DHRS4: variants seen among roughly 807,000 people sequenced by gnomAD.
The protein encoded by DHRS4 is dehydrogenase/reductase 4.
In DHRS4, 20 loss-of-function variants were observed where a neutral mutation model predicts 28.4. That is an observed-to-expected ratio of 0.71 (90% CI 0.50 to 1.02). The LOEUF is 1.02. DHRS4 is among the 50% of genes least tolerant of loss of function. The pLI is 0.00. For synonymous variants in DHRS4, 144 were observed against 146.4 expected (o/e 0.98, Z 0.12); for missense variants, 378 against 367.2 (o/e 1.03, Z -0.24).
intron 2 of DHRS4, among the ~76,000 whole-genome samples, chr14:23,958,826 C>T (rs1456318610): frequency 6.6e-6 from 1 of 152,182 alleles, no homozygotes; most frequent in African/African-American, 2.4e-5. Flanking sequence ...GCCCTGAAAA[C>T]ATCACTTCAC....
Position 23,969,263 on chromosome 14 carries a change from C to T in DHRS4, c.*392C>T, listed in dbSNP as rs2033770354. 4.6e-6 allele frequency: 1 copy of T among 217,330 alleles called. No individual in the cohort carries two copies. The highest frequency in any genetic ancestry group is 9.1e-6 in the Non-Finnish European group (1 of 109,478). The allele number at this position is 217,330 out of a possible 1,614,324, so 13.5% of individuals were successfully genotyped here. The stretch of plus-strand genomic sequence containing the variant: ...GGTGCAAATAAAATGCAGATGATTG[C>T]GCGGCTTTGAATCCAATTGACCTGT... On this transcript the variant is annotated 3_prime_UTR_variant, in exon 8 of 8. Coordinates refer to ENST00000313250, the MANE Select transcript of DHRS4 (RefSeq NM_021004.4).
At chr14:23,960,034 G>GA in intron 3 of DHRS4, 31 bp downstream of exon 3, 1 of 1,591,088 alleles carries the variant, frequency 6.3e-7, no homozygotes, top group African/African-American at 1.4e-5. Flanking sequence ...GGGGGCCGGG[G>GA]GGGGCGCCTT....
At position 23,955,048 on chromosome 14, in the gene DHRS4, A is replaced by G. The variant is rs1334229942; in HGVS notation, c.142A>G (p.Ile48Val). 4 of 1,614,188 alleles carry G rather than the reference A, an allele frequency of 2.5e-6. No homozygotes were observed. The Admixed American group carries it at 5.0e-5, about 20-fold the overall frequency. The change falls in exon 2 of 8, where the codon ATC becomes GTC. Residue 48 changes from isoleucine to valine, a missense_variant. Coordinates refer to ENST00000313250, the MANE Select transcript of DHRS4 (RefSeq NM_021004.4). ...TTCTGCTCACAGGATCGGCTTCGCC[A>G]TCGCCCGGCGTTTGGCCCAGGACGG... ...TASTDGIGFAIARRLAQDGAH... is the reference protein window; with the variant it reads ...TASTDGIGFAVARRLAQDGAH...
intron 2 of DHRS4, among the ~76,000 whole-genome samples, chr14:23,957,134 T>C (rs572943393): frequency 0.058 from 8,741 of 151,980 alleles, 299 homozygotes; most frequent in African/African-American, 0.097. Context: ...GCAGTGGCGG[T>C]GGGACTGGAA....
rs1566464098 is a variant in DHRS4 at position 23,953,770 on chromosome 14, A to G, written c.-19A>G. On this transcript the variant is annotated 5_prime_UTR_variant, in exon 1 of 8. Coordinates refer to ENST00000313250, the MANE Select transcript of DHRS4 (RefSeq NM_021004.4). ...ACCGCCCCTGGGAAGAGTGGAACCCATACTTGCTGGTCTGATCCATGCACA... is the reference window on the plus strand; with the variant it reads ...ACCGCCCCTGGGAAGAGTGGAACCCGTACTTGCTGGTCTGATCCATGCACA... 3.1e-6 allele frequency: 5 copies of G among 1,613,684 alleles called. No homozygotes were observed. The highest frequency in any genetic ancestry group is 1.7e-4 in the Middle Eastern group (1 of 6,054).
chr14:23,960,095 G>A, intron 3 of DHRS4, 92 bp downstream of exon 3: 1 of 1,259,108 alleles, frequency 7.9e-7, no homozygotes, highest in Non-Finnish European at 1.2e-6. Context: ...ATTTCTCAAG[G>A]GCAGTGTAAA....
At chr14:23,955,316 C>G in intron 2 of DHRS4, 104 bp downstream of exon 2, 3 of 1,455,248 alleles carry the variant, frequency 2.1e-6, no homozygotes, top group Non-Finnish European at 2.7e-6. Context: ...TACTGTGTGC[C>G]TTTCTATTAT....
intron 1 of DHRS4, 157 bp downstream of exon 1, chr14:23,954,073 C>A: frequency 8.2e-7 from 1 of 1,217,804 alleles, no homozygotes; most frequent in Non-Finnish European, 1.1e-6. Context: ...TGAAGCCACT[C>A]CGAATCCCCT....
At position 23,959,921 on chromosome 14, in the gene DHRS4, G is replaced by A. The variant is rs536739961; in HGVS notation, c.326G>A (p.Gly109Asp). Residue 109 changes from glycine to aspartate, a missense_variant, in exon 3 of 8, where the codon GGT becomes GAT. Transcript: ENST00000313250. ...CTCTAGGCTGTGAAGCTTCATGGAG[G>A]TATCGATATCCTAGTCTCCAATGCT... ...LVATAVKLHG[G>D]IDILVSNAAV... The A allele has an allele frequency of 6.2e-7, 1 of 1,612,086 alleles. No homozygotes were observed. The highest frequency in any genetic ancestry group is 2.2e-5 in the East Asian group (1 of 44,808).
chr14:23,954,127 C>A (rs1488997531), intron 1 of DHRS4: 2 of 708,550 alleles, frequency 2.8e-6, no homozygotes, highest in African/African-American at 3.7e-5. Flanking sequence ...CCTGCTACCT[C>A]TGGCACAACT....
At chr14:23,954,020 G>A (rs569140499) in intron 1 of DHRS4, 104 bp downstream of exon 1, 176 of 1,487,378 alleles carry the variant, frequency 1.2e-4, no homozygotes, top group Non-Finnish European at 1.4e-4. Context: ...CTTACACGCT[G>A]CCAAAGTCTG....
intron 3 of DHRS4, among the ~76,000 whole-genome samples, chr14:23,961,594 C>G (rs1263554737): frequency 3.2e-4 from 39 of 122,146 alleles, no homozygotes; most frequent in African/African-American, 1.4e-3. Flanking sequence ...TCTCAGCTCA[C>G]TGCAACCTCA....
rs2138419367 is a variant in DHRS4 at position 23,953,893 on chromosome 14, C to A, written c.105C>A (p.Ala35=). 32 of 1,604,556 alleles carry A rather than the reference C, an allele frequency of 2.0e-5. No homozygotes were observed. The highest frequency in any genetic ancestry group is 2.6e-5 in the Non-Finnish European group (31 of 1,175,774). ...TRRDPLANKV[A]LVTASTDGIG... ...GGGACCCGCTCGCAAATAAGGTGGCCCTGGTAACGGCCTCCACCGACGGGT... is the reference window on the plus strand; with the variant it reads ...GGGACCCGCTCGCAAATAAGGTGGCACTGGTAACGGCCTCCACCGACGGGT... The change falls in exon 1 of 8, where the codon GCC becomes GCA. Residue 35 remains alanine (A), a synonymous_variant. Coordinates refer to ENST00000313250, the MANE Select transcript of DHRS4 (RefSeq NM_021004.4).
intron 3 of DHRS4, among the ~76,000 whole-genome samples, chr14:23,960,673 C>G (rs1387922420): frequency 6.6e-6 from 1 of 151,800 alleles, no homozygotes; most frequent in East Asian, 1.9e-4. Flanking sequence ...AAATATTTGT[C>G]TTTGTTTATT....
chr14:23,959,812 C>A (rs1381022689), intron 2 of DHRS4, 90 bp from the exon 3 acceptor site: 19 of 1,470,274 alleles, frequency 1.3e-5, no homozygotes, highest in Non-Finnish European at 1.6e-5. Context: ...AGCCACAGCT[C>A]CTTGCCCAGA....
At chr14:23,968,190 T>A (rs1385895275) in intron 7 of DHRS4, 2 of 143,472 alleles carry the variant, frequency 1.4e-5, no homozygotes, top group Admixed American at 1.4e-4. Flanking sequence ...CTTCTAGGTT[T>A]GAGTTACTCA....
rs2033065922 is a variant in DHRS4, at chr14:23,955,129, A to T, written c.223A>T (p.Thr75Ser). ...GCAGAATGTGGACCAGGCGGTGGCC[A>T]CGCTGCAGGGGGAGGGGCTGAGCGT... The part of the protein sequence containing the change: ...KQQNVDQAVA[T>S]LQGEGLSVTG... Residue 75 changes from threonine (T) to serine (S), a missense_variant, in exon 2 of 8, where the codon ACG becomes TCG. Physicochemically the swap from Thr to Ser is moderately conservative, Grantham distance 58 (BLOSUM62 1). Transcript: ENST00000313250. 2 of 1,613,912 alleles carry T rather than the reference A, an allele frequency of 1.2e-6. No individual in the cohort carries two copies. Among genetic ancestry groups the T allele is most frequent in the Non-Finnish European group, 1.7e-6 (2 of 1,179,924 alleles).
chr14:23,963,170 GA>G (rs2138461266), intron 3 of DHRS4, among the ~76,000 whole-genome samples: 2 of 107,788 alleles, frequency 1.9e-5, no homozygotes, highest in South Asian at 5.9e-4. Context: ...AGAATTTTCA[GA>G]ATGGTAAATG....
chr14:23,967,202 T>C lies in DHRS4; in HGVS notation c.667-9T>C, dbSNP rs748940756. 6 of 1,609,126 alleles carry C rather than the reference T, an allele frequency of 3.7e-6. No individual in the cohort carries two copies. Among genetic ancestry groups the C allele is most frequent in the African/African-American group, 1.3e-5 (1 of 74,338 alleles). On this transcript the variant is annotated splice_polypyrimidine_tract_variant and intron_variant, in intron 6 of 7. Transcript: ENST00000313250. ...AAAAAACATAAAGAGATTTCCCTTC[T>C]TCCTGCAGCTCTGGATGGACAAGGA...
Sources: gnomAD v4.1 joint callset for allele counts (sites outside exome capture counted in the v4.1 genomes callset) on GRCh38, gnomAD v4.1.1 for gene constraint, MANE v1.5 for transcripts, NCBI Gene and HGNC (gene_info 2026-07-23, HGNC 2026-07-21) for gene names.